NMNAT3: variants seen among roughly 807,000 people sequenced by gnomAD.
NMNAT3 encodes nicotinamide nucleotide adenylyltransferase 3, also known as nicotinamide/nicotinic acid mononucleotide adenylyltransferase 3.
A neutral mutation model predicts 24.8 loss-of-function variants in NMNAT3; 21 were observed. The ratio of observed to expected loss-of-function variants is 0.85; its 90% CI spans 0.60 to 1.22. The LOEUF (loss-of-function observed/expected upper bound fraction) is 1.22. NMNAT3 is among the 50% of genes most tolerant of loss of function. NMNAT3 has a pLI of 0.00. For synonymous variants in NMNAT3, 136 were observed against 155.2 expected (o/e 0.88, Z 0.92); for missense variants, 387 against 436.6 (o/e 0.89, Z 1.01).
At chr3:139,588,164 C>T (rs1011360251) in intron 3 of NMNAT3, among the ~76,000 whole-genome samples, 3 of 152,208 alleles carry the variant, frequency 2.0e-5, no homozygotes, top group Non-Finnish European at 4.4e-5. Flanking sequence ...CCCTCCCCCA[C>T]TAGATGCAGA....
chr3:139,613,503 G>A (rs1213805764), intron 3 of NMNAT3, among the ~76,000 whole-genome samples: 2 of 152,244 alleles, frequency 1.3e-5, no homozygotes, highest in Admixed American at 6.5e-5. Flanking sequence ...TGGAGAGGAT[G>A]TGGAGAAATA....
At chr3:139,661,207 C>A (rs1002075774) in intron 1 of NMNAT3, among the ~76,000 whole-genome samples, 1 of 152,186 alleles carries the variant, frequency 6.6e-6, no homozygotes, top group African/African-American at 2.4e-5. Flanking sequence ...GGGGCGAACT[C>A]AGAATCAAGT....
intron 3 of NMNAT3, among the ~76,000 whole-genome samples, chr3:139,615,449 A>G (rs1429773054): frequency 6.7e-6 from 1 of 149,736 alleles, no homozygotes; most frequent in African/African-American, 2.5e-5. Context: ...CTATCTATCT[A>G]TCTATCTATC....
intron 3 of NMNAT3, among the ~76,000 whole-genome samples, chr3:139,587,244 G>A (rs1158947118): frequency 6.6e-6 from 1 of 152,300 alleles, no homozygotes; most frequent in East Asian, 1.9e-4. Flanking sequence ...AGTGAAGGAG[G>A]CTGAGAATTA....
chr3:139,650,616 G>A (rs2057023899), intron 1 of NMNAT3, among the ~76,000 whole-genome samples: 1 of 152,160 alleles, frequency 6.6e-6, no homozygotes, highest in Admixed American at 6.5e-5. Flanking sequence ...CTGTGACAGT[G>A]CTTTATAAAC....
chr3:139,676,295 A>T (rs1315010165), intron 1 of NMNAT3, among the ~76,000 whole-genome samples: 2 of 152,218 alleles, frequency 1.3e-5, no homozygotes, highest in Non-Finnish European at 2.9e-5. Flanking sequence ...AATAAAATAC[A>T]GTGAGCAGCT....
Position 139,560,879 on chromosome 3 carries a change from A to T in NMNAT3, c.*131T>A. The T allele has an allele frequency of 1.1e-6, 1 of 886,596 alleles. No homozygotes were observed. Among genetic ancestry groups the T allele is most frequent in the South Asian group, 1.7e-5 (1 of 59,712 alleles). The allele number at this position is 886,596 out of a possible 1,614,324, so 54.9% of individuals were successfully genotyped here. A position where few individuals can be genotyped will look rare whatever the true frequency, so the allele number is the denominator to read the frequency against. On this transcript the variant is annotated 3_prime_UTR_variant, in exon 7 of 7. Coordinates refer to ENST00000643695, the MANE Select transcript of NMNAT3 (RefSeq NM_001320510.2). The stretch of plus-strand genomic sequence containing the variant: ...CTTCCTGGGACAGAAGACTCCTCAG[A>T]AGTAGAATCACTGTAGAAATAAAGC...
intron 5 of NMNAT3, chr3:139,575,828 G>T (rs1939214621): frequency 8.3e-7 from 1 of 1,205,320 alleles, no homozygotes; most frequent in African/African-American, 1.6e-5. Context: ...AAGATTGGAG[G>T]GCAACTGTGG....
At chr3:139,670,321 T>C (rs1443676839) in intron 1 of NMNAT3, among the ~76,000 whole-genome samples, 1 of 152,232 alleles carries the variant, frequency 6.6e-6, no homozygotes, top group Non-Finnish European at 1.5e-5. Context: ...CAGCAATGAC[T>C]GACAGAAATG....
At position 139,578,787 on chromosome 3, in the gene NMNAT3, C is replaced by T. The variant is rs1164219569; in HGVS notation, c.575+85G>A. 9 of 1,257,178 alleles carry T rather than the reference C, an allele frequency of 7.2e-6. No homozygotes were observed. In the Admixed American group the frequency reaches 2.0e-4, roughly 28 times the overall value. The allele number at this position is 1,257,178 out of a possible 1,614,324, so 77.9% of individuals were successfully genotyped here. ...AAGGTCTGGCAGAAACCCAGCCCCA[C>T]AATCTGCCCTACCTTTTACCCTGTA... On this transcript the variant is annotated intron_variant, in intron 5 of 6. Transcript: ENST00000643695.
chr3:139,619,270 A>G (rs2055651373), intron 3 of NMNAT3, among the ~76,000 whole-genome samples: 2 of 152,180 alleles, frequency 1.3e-5, no homozygotes, highest in Non-Finnish European at 2.9e-5. Context: ...GTACAACACT[A>G]ACATAGGTAG....
At chr3:139,630,748 G>A (rs2056262595) in intron 2 of NMNAT3, among the ~76,000 whole-genome samples, 1 of 152,196 alleles carries the variant, frequency 6.6e-6, no homozygotes, top group Non-Finnish European at 1.5e-5. Context: ...ACCCCCAACT[G>A]TGTGGGAAGA....
At position 139,567,866 on chromosome 3, in the gene NMNAT3, A is replaced by G. The variant is rs1476769502; in HGVS notation, c.658+5732T>C. The G allele has an allele frequency of 5.9e-5, 9 of 152,332 alleles. No individual in the cohort carries two copies. In the East Asian group the frequency reaches 1.7e-3, roughly 29 times the overall value. 9.4% of individuals were successfully genotyped at this position (152,332 alleles called of 1,614,324 possible). A position where few individuals can be genotyped will look rare whatever the true frequency, so the allele number is the denominator to read the frequency against. On this transcript the variant is annotated intron_variant, in intron 6 of 6. Transcript: ENST00000643695. ...TGATGCTGGCCTCATAAAATGAGTTAGGGAGGATTCCCTCTTTTTCTATTG... is the reference window on the plus strand; with the variant it reads ...TGATGCTGGCCTCATAAAATGAGTTGGGGAGGATTCCCTCTTTTTCTATTG...
intron 3 of NMNAT3, among the ~76,000 whole-genome samples, chr3:139,604,408 A>C (rs2054848640): frequency 6.6e-6 from 1 of 152,200 alleles, no homozygotes; most frequent in Non-Finnish European, 1.5e-5. Context: ...TATATATTGC[A>C]CATATATAAA....
chr3:139,589,863 T>A (rs1411338519), intron 3 of NMNAT3, among the ~76,000 whole-genome samples: 3 of 152,130 alleles, frequency 2.0e-5, no homozygotes, highest in Non-Finnish European at 4.4e-5. Flanking sequence ...CTCAGAAAAT[T>A]TACCTCCTCT....
chr3:139,611,259 G>A (rs890735796), intron 3 of NMNAT3, among the ~76,000 whole-genome samples: 3 of 152,154 alleles, frequency 2.0e-5, no homozygotes, highest in Non-Finnish European at 4.4e-5. Flanking sequence ...TCTGGTCATG[G>A]CCACAGGAAT....
At chr3:139,598,774 T>G (rs1204328857) in intron 3 of NMNAT3, among the ~76,000 whole-genome samples, 1 of 152,214 alleles carries the variant, frequency 6.6e-6, no homozygotes, top group Non-Finnish European at 1.5e-5. Flanking sequence ...TCAAAAAGTT[T>G]ATGTGATTTT....
At chr3:139,566,587 C>T (rs1412521816) in intron 6 of NMNAT3, 1 of 152,052 alleles carries the variant, frequency 6.6e-6, no homozygotes, top group Non-Finnish European at 1.5e-5. Flanking sequence ...ATATGGCTAG[C>T]CAGTTTTCCC....
intron 1 of NMNAT3, among the ~76,000 whole-genome samples, chr3:139,674,597 T>C (rs1248136786): frequency 6.6e-6 from 1 of 152,224 alleles, no homozygotes; most frequent in Non-Finnish European, 1.5e-5. Context: ...AATTATAATT[T>C]TGCAGGTTTT....
Sources: gnomAD v4.1 joint callset for allele counts (sites outside exome capture counted in the v4.1 genomes callset) on GRCh38, gnomAD v4.1.1 for gene constraint, MANE v1.5 for transcripts, NCBI Gene and HGNC (gene_info 2026-07-23, HGNC 2026-07-21) for gene names.